RANBP2: variants seen among roughly 807,000 people sequenced by gnomAD.
RANBP2 encodes the protein E3 SUMO-protein ligase RanBP2.
A neutral mutation model predicts 303.6 loss-of-function variants in RANBP2; 57 were observed. The observed-to-expected ratio is 0.19, with a 90% CI of 0.15 to 0.23. The LOEUF (loss-of-function observed/expected upper bound fraction) is 0.23, where lower values mean the gene tolerates loss of function less well. Among genes scored for constraint, RANBP2 ranks in the 10% least tolerant of loss-of-function variants. The pLI is 1.00. For missense variants in RANBP2, 3,138 were observed against 3,780.8 expected, an observed-to-expected ratio of 0.83 and a Z score of 4.46; for synonymous variants, 1,167 against 1,301.5, an observed-to-expected ratio of 0.90 and a Z score of 2.23.
chr2:109,313,718 G>A, the RANBP2 span: 26 of 154,956 alleles, frequency 1.7e-4, no homozygotes, highest in African/African-American at 6.3e-4. Flanking sequence ...TGTAGGTGAT[G>A]GCATGTGCCT....
chr2:108,860,684 T>C, the RANBP2 span, among the ~76,000 whole-genome samples: 3 of 152,080 alleles, frequency 2.0e-5, no homozygotes, highest in African/African-American at 7.2e-5. Context: ...CTTTTTGATG[T>C]GCTACTAGGT....
chr2:109,166,843 A>G, the RANBP2 span, among the ~76,000 whole-genome samples: 1 of 152,214 alleles, frequency 6.6e-6, no homozygotes, highest in Non-Finnish European at 1.5e-5. Flanking sequence ...AATCCCCCAT[A>G]TATGATTTTA....
chr2:109,078,764 C>G, the RANBP2 span, among the ~76,000 whole-genome samples: 6 of 146,612 alleles, frequency 4.1e-5, no homozygotes, highest in African/African-American at 1.5e-4. Flanking sequence ...GGGCAGATCA[C>G]GAGGTCAGGA....
At chr2:109,358,571 A>G in the RANBP2 span, among the ~76,000 whole-genome samples, 7 of 152,166 alleles carry the variant, frequency 4.6e-5, no homozygotes, top group African/African-American at 7.2e-5. Context: ...TACACACTAC[A>G]CTGTCTTCTT....
the RANBP2 span, among the ~76,000 whole-genome samples, chr2:108,827,472 G>T: frequency 1.9e-4 from 29 of 152,272 alleles, no homozygotes; most frequent in Admixed American, 1.6e-3. Flanking sequence ...TGGATAGGAA[G>T]ATTTATTATG....
Position 108,740,529 on chromosome 2 carries a change from A to G in RANBP2, c.823A>G (p.Asn275Asp). Residue 275 changes from asparagine (N) to aspartate (D), a missense_variant, in exon 7 of 29, where the codon AAT (asparagine) becomes GAT (aspartate). Around this residue, in one of 20 missense-constraint regions of RANBP2, gnomAD observed 306 missense variants for 381.9 expected, o/e 0.80. Coordinates refer to ENST00000283195, the MANE Select transcript of RANBP2 (RefSeq NM_006267.5). ...TCAGTCTGTGAAATCTTTGGGTGGA[A>G]ATGATGAACTGTCAGCTACTTTCTT... ...ALQSVKSLGG[N>D]DELSATFLEM... The G allele has an allele frequency of 1.9e-6, 3 of 1,597,540 alleles. No homozygotes were observed. The South Asian group carries it at 3.3e-5, about 18-fold the overall frequency.
At chr2:108,831,657 C>A in the RANBP2 span, among the ~76,000 whole-genome samples, 1 of 150,840 alleles carries the variant, frequency 6.6e-6, no homozygotes, top group African/African-American at 2.5e-5. Context: ...TTCCTAGGTT[C>A]TATCCCTGGA....
chr2:108,921,040 CG>C, the RANBP2 span, among the ~76,000 whole-genome samples: 1 of 152,164 alleles, frequency 6.6e-6, no homozygotes, highest in Non-Finnish European at 1.5e-5. Flanking sequence ...CCTGATGAAT[CG>C]GGGGTGGGCC....
chr2:108,897,145 A>G, the RANBP2 span: 79,887 of 1,613,832 alleles, frequency 0.05, 23,819 homozygotes, highest in East Asian at 0.85. Flanking sequence ...CGTTTTCACA[A>G]CAGCCTTCTC....
the RANBP2 span, among the ~76,000 whole-genome samples, chr2:108,963,489 A>T: frequency 6.6e-6 from 1 of 152,168 alleles, no homozygotes; most frequent in Non-Finnish European, 1.5e-5. Context: ...ATACAGAGAG[A>T]TCCCATGTCC....
chr2:109,441,896 A>G, the RANBP2 span, among the ~76,000 whole-genome samples: 2 of 152,256 alleles, frequency 1.3e-5, no homozygotes, highest in African/African-American at 4.8e-5. Flanking sequence ...ACCAAAAAAC[A>G]TACTGAAAGA....
At chr2:109,285,910 G>C in the RANBP2 span, among the ~76,000 whole-genome samples, 1 of 152,184 alleles carries the variant, frequency 6.6e-6, no homozygotes, top group African/African-American at 2.4e-5. Flanking sequence ...ACTGCATTCA[G>C]ATTTTTGTCC....
At chr2:109,475,819 G>C in the RANBP2 span, among the ~76,000 whole-genome samples, 8 of 152,214 alleles carry the variant, frequency 5.3e-5, no homozygotes, top group East Asian at 1.5e-3. Flanking sequence ...CTGAGTGTCA[G>C]CACTCTGGGG....
the RANBP2 span, among the ~76,000 whole-genome samples, chr2:109,319,066 C>A: frequency 6.6e-6 from 1 of 152,174 alleles, no homozygotes; most frequent in Non-Finnish European, 1.5e-5. Flanking sequence ...TGTATCCTGC[C>A]TGGAACAGCT....
At chr2:108,978,465 CA>C in the RANBP2 span, among the ~76,000 whole-genome samples, 3 of 152,170 alleles carry the variant, frequency 2.0e-5, no homozygotes, top group Non-Finnish European at 4.4e-5. Context: ...TTAGACGCCT[CA>C]AGAGTTTTGC....
chr2:108,745,204 A>G (rs1272486502), intron 7 of RANBP2, among the ~76,000 whole-genome samples: 11 of 147,968 alleles, frequency 7.4e-5, no homozygotes, highest in Non-Finnish European at 1.6e-4. Context: ...GTATCAAAGT[A>G]TATCTGTGCA....
chr2:109,015,549 G>C, the RANBP2 span, among the ~76,000 whole-genome samples: 1 of 152,114 alleles, frequency 6.6e-6, no homozygotes, highest in African/African-American at 2.4e-5. Context: ...TTTGAGGCCA[G>C]GAGTTCGAGA....
the RANBP2 span, among the ~76,000 whole-genome samples, chr2:109,458,681 C>G: frequency 6.6e-6 from 1 of 152,128 alleles, no homozygotes; most frequent in South Asian, 2.1e-4. Context: ...AGGCTGGACC[C>G]TCAGTCAGGA....
At chr2:109,188,147 T>C in the RANBP2 span, among the ~76,000 whole-genome samples, 3 of 152,230 alleles carry the variant, frequency 2.0e-5, no homozygotes, top group African/African-American at 7.2e-5. Flanking sequence ...AAATATGACT[T>C]ACAGCAGTGT....
Sources: allele counts gnomAD v4.1 joint callset (sites outside exome capture counted in the v4.1 genomes callset), GRCh38; gene constraint gnomAD v4.1.1; regional missense constraint gnomAD v4.1.1; transcripts MANE v1.5; gene names NCBI Gene and HGNC (gene_info 2026-07-23, HGNC 2026-07-21).